LIN7C: variants seen among roughly 807,000 people sequenced by gnomAD.
LIN7C encodes the protein protein lin-7 homolog C.
In LIN7C, 17 loss-of-function variants were observed where a neutral mutation model predicts 24.7. The observed-to-expected ratio is 0.69, with a 90% CI of 0.47 to 1.03. The LOEUF is 1.03. LIN7C is among the 50% of genes least tolerant of loss of function. The pLI, the probability that LIN7C is intolerant of heterozygous loss-of-function variation, is 0.00. For synonymous variants in LIN7C, 90 were observed against 83.4 expected (o/e 1.08, Z -0.43); for missense variants, 204 against 239.0 (o/e 0.85, Z 0.97).
chr11:27,499,269 C>T, intron 4 of LIN7C, 90 bp downstream of exon 4: 1 of 1,058,636 alleles, frequency 9.4e-7, no homozygotes, highest in South Asian at 1.5e-5. Context: ...ATTTCTAAAC[C>T]ACAAGTTTCT....
At chr11:27,502,011 G>T in intron 1 of LIN7C, 91 bp from the exon 2 acceptor site, 1 of 757,042 alleles carries the variant, frequency 1.3e-6, no homozygotes, top group Non-Finnish European at 2.3e-6. Context: ...TTCCTCAAGG[G>T]CAAATAATAT....
In LIN7C at chr11:27,499,374, G is replaced by C; in HGVS notation, c.423C>G (p.Leu141=). 1.2e-6 allele frequency: 2 copies of C among 1,613,248 alleles called. No individual in the cohort carries two copies. The highest frequency in any genetic ancestry group is 1.7e-6 in the Non-Finnish European group (2 of 1,179,266). The change falls in exon 4 of 5, where the codon CTC becomes CTG. Residue 141 remains leucine, a synonymous_variant. Transcript: ENST00000278193. Reference sequence around the variant, plus strand: ...TCATCCTTACCACTCCATTAACAGAGAGGAGTTGATCTCCACGTTTGAGGC... The same window carrying C: ...TCATCCTTACCACTCCATTAACAGACAGGAGTTGATCTCCACGTTTGAGGC... ...HGGLKRGDQL[L]SVNGVSVEGE...
In LIN7C at chr11:27,499,697, A is replaced by G; in HGVS notation, c.229-129T>C. 1.1e-5 allele frequency: 8 copies of G among 760,454 alleles called. 1 individual carries two copies. The South Asian group carries it at 1.4e-4, about 14-fold the overall frequency. The allele number at this position is 760,454 out of a possible 1,614,324, so 47.1% of individuals were successfully genotyped here. A position where few individuals can be genotyped will look rare whatever the true frequency, so the allele number is the denominator to read the frequency against. ...GAGTGCAGTGGCGTGATCTTGGCTC[A>G]CTGCAAGCTCCACCTCCTGGCTTCA... On this transcript the variant is annotated intron_variant, in intron 3 of 4. Coordinates refer to ENST00000278193, the MANE Select transcript of LIN7C (RefSeq NM_018362.4).
chr11:27,500,522 C>G (rs554335797), intron 3 of LIN7C, among the ~76,000 whole-genome samples: 1 of 152,214 alleles, frequency 6.6e-6, no homozygotes, highest in African/African-American at 2.4e-5. Flanking sequence ...CAACTTTAGA[C>G]TAATCCAAAC....
chr11:27,504,231 G>C (rs1160765474), intron 1 of LIN7C, among the ~76,000 whole-genome samples: 1 of 152,126 alleles, frequency 6.6e-6, no homozygotes, highest in Non-Finnish European at 1.5e-5. Context: ...CAGAATGACC[G>C]ATACATGGGG....
rs1302760052 is a variant in LIN7C, at chr11:27,498,658, T to C, written c.585A>G (p.Gln195=). The C allele has an allele frequency of 6.8e-6, 11 of 1,613,922 alleles. No homozygotes were observed. Among genetic ancestry groups the C allele is most frequent in the Middle Eastern group, 1.7e-4 (1 of 6,060 alleles). ...CAAGTTTTGAAATGTATTAGGTCTGTTGCCTGCGTTTTGCTGATCTCATTT... is the reference window on the plus strand; with the variant it reads ...CAAGTTTTGAAATGTATTAGGTCTGCTGCCTGCGTTTTGCTGATCTCATTT... ...FEKMRSAKRR[Q]QT The change falls in exon 5 of 5, where the codon CAA becomes CAG. Residue 195 remains glutamine, a synonymous_variant. Transcript: ENST00000278193.
At chr11:27,505,557 T>C (rs1865274454) in intron 1 of LIN7C, among the ~76,000 whole-genome samples, 1 of 152,116 alleles carries the variant, frequency 6.6e-6, no homozygotes, top group Admixed American at 6.5e-5. Context: ...ACGGAAACAA[T>C]CTCATTTACA....
chr11:27,506,124 C>T (rs1865288573), intron 1 of LIN7C, among the ~76,000 whole-genome samples: 1 of 152,258 alleles, frequency 6.6e-6, no homozygotes, highest in Admixed American at 6.5e-5. Context: ...GCATCTACCA[C>T]TATTCGGCTT....
chr11:27,495,268 T>A lies in LIN7C; in HGVS notation c.*3381A>T, dbSNP rs376870549. 1 of 152,028 alleles carries A rather than the reference T, an allele frequency of 6.6e-6. No individual in the cohort carries two copies. The highest frequency in any genetic ancestry group is 1.5e-5 in the Non-Finnish European group (1 of 68,036). The allele number at this position is 152,028 out of a possible 1,614,324, so 9.4% of individuals were successfully genotyped here. Reference sequence around the variant, plus strand: ...GAATCACGAGGTCAGGAGATCGAGATCATCCTGGCTAACACGGTGAAACCC... The same window carrying A: ...GAATCACGAGGTCAGGAGATCGAGAACATCCTGGCTAACACGGTGAAACCC... On this transcript the variant is annotated 3_prime_UTR_variant, in exon 5 of 5. Coordinates refer to ENST00000278193, the MANE Select transcript of LIN7C (RefSeq NM_018362.4).
At chr11:27,500,540 A>G (rs1865214523) in intron 3 of LIN7C, among the ~76,000 whole-genome samples, 1 of 152,148 alleles carries the variant, frequency 6.6e-6, no homozygotes, top group African/African-American at 2.4e-5. Flanking sequence ...AACTAATTAT[A>G]AAGTTGAGAT....
chr11:27,499,259 A>G (rs1299871331), intron 4 of LIN7C, 100 bp downstream of exon 4: 14 of 926,604 alleles, frequency 1.5e-5, no homozygotes, highest in Non-Finnish European at 2.4e-5. Flanking sequence ...CCCTCAAGGC[A>G]TTTCTAAACC....
chr11:27,498,589 A>G lies in LIN7C; in HGVS notation c.*60T>C. The stretch of plus-strand genomic sequence containing the variant: ...ATCATTGGCATTGCAGCCATTAGTA[A>G]GTCACAAGGAAAACTTCTCTAGCTA... On this transcript the variant is annotated 3_prime_UTR_variant, in exon 5 of 5. Transcript: ENST00000278193. 6.8e-7 allele frequency: 1 copy of G among 1,476,878 alleles called. No individual in the cohort carries two copies. Among genetic ancestry groups the G allele is most frequent in the Non-Finnish European group, 9.3e-7 (1 of 1,072,822 alleles). 91.5% of individuals were successfully genotyped at this position (1,476,878 alleles called of 1,614,324 possible). A position where few individuals can be genotyped will look rare whatever the true frequency, so the allele number is the denominator to read the frequency against.
At chr11:27,499,602 T>A (rs1223832015) in intron 3 of LIN7C, 34 bp from the exon 4 acceptor site, 1 of 1,554,402 alleles carries the variant, frequency 6.4e-7, no homozygotes. Flanking sequence ...AAAATATGAC[T>A]TTTATTTACT....
In LIN7C at chr11:27,498,772, T is replaced by C. The variant is rs752378368; in HGVS notation, c.471A>G (p.Val157=). 1 of 1,614,026 alleles carries C rather than the reference T, an allele frequency of 6.2e-7. No homozygotes were observed. The change falls in exon 5 of 5, where the codon GTA becomes GTG. Residue 157 remains valine, a synonymous_variant. Coordinates refer to ENST00000278193, the MANE Select transcript of LIN7C (RefSeq NM_018362.4). ...SVEGEHHEKA[V]ELLKAAQGKV... ...TTCCTTGTGCGGCTTTCAGCAGTTC[T>C]ACAGCTTTTTCATGATGTTCTCCTT...
chr11:27,502,529 C>G (rs1284434632), intron 1 of LIN7C, among the ~76,000 whole-genome samples: 1 of 151,976 alleles, frequency 6.6e-6, no homozygotes, highest in Non-Finnish European at 1.5e-5. Flanking sequence ...TTTTTTTCAA[C>G]TTAATTAACA....
At chr11:27,501,315 GC>G (rs1865223673) in intron 3 of LIN7C, among the ~76,000 whole-genome samples, 179 bp downstream of exon 3, 2 of 151,980 alleles carry the variant, frequency 1.3e-5, no homozygotes, top group Non-Finnish European at 2.9e-5. Flanking sequence ...TATTTATCAT[GC>G]AGCATTTATG....
At chr11:27,499,672 G>C in intron 3 of LIN7C, 104 bp from the exon 4 acceptor site, 3 of 990,680 alleles carry the variant, frequency 3.0e-6, no homozygotes, top group Non-Finnish European at 4.5e-6. Flanking sequence ...GCACAGGCTG[G>C]AGTGCAGTGG....
intron 1 of LIN7C, among the ~76,000 whole-genome samples, chr11:27,504,633 C>T (rs922862757): frequency 3.9e-5 from 6 of 152,176 alleles, no homozygotes; most frequent in Admixed American, 2.6e-4. Flanking sequence ...TCTTCAGATA[C>T]CACAGATATC....
chr11:27,495,461 A>AGT lies in LIN7C; in HGVS notation c.*3187_*3188insAC, dbSNP rs1865156111. 6.6e-6 allele frequency: 1 copy of AGT among 152,202 alleles called. No homozygotes were observed. Among genetic ancestry groups the AGT allele is most frequent in the South Asian group, 2.1e-4 (1 of 4,832 alleles). The allele number at this position is 152,202 out of a possible 1,614,324, so 9.4% of individuals were successfully genotyped here. A position where few individuals can be genotyped will look rare whatever the true frequency, so the allele number is the denominator to read the frequency against. ...GCACGCCAGCCTGGGCAACAGAGCA[A>AGT]GACTCTGTCTCAAAAAAAAACAAAA... On this transcript the variant is annotated 3_prime_UTR_variant, in exon 5 of 5. Coordinates refer to ENST00000278193, the MANE Select transcript of LIN7C (RefSeq NM_018362.4).
Sources: allele counts gnomAD v4.1 joint callset (sites outside exome capture counted in the v4.1 genomes callset), GRCh38; gene constraint gnomAD v4.1.1; transcripts MANE v1.5; gene names NCBI Gene and HGNC (gene_info 2026-07-23, HGNC 2026-07-21).